ADGRV1: variants seen among roughly 807,000 people sequenced by gnomAD.
ADGRV1 encodes G-protein coupled receptor 98.
ADGRV1 carries 359 observed loss-of-function variants against 596.2 expected under a neutral mutation model. That is an observed-to-expected ratio of 0.60 (90% CI 0.55 to 0.66). The LOEUF (loss-of-function observed/expected upper bound fraction) is 0.66. ADGRV1 is among the 30% of genes least tolerant of loss of function. The probability of loss-of-function intolerance (pLI) is 0.00; values close to 1 mark genes in which losing one functional copy is unlikely to be tolerated. For synonymous variants in ADGRV1, 2,681 were observed against 2,679.2 expected (o/e 1.00, Z -0.02); for missense variants, 7,274 against 7,575.6 (o/e 0.96, Z 1.48).
intron 1 of ADGRV1, among the ~76,000 whole-genome samples, chr5:90,567,739 CT>C (rs555309403): frequency 0.094 from 13,296 of 141,812 alleles, 1,097 homozygotes; most frequent in African/African-American, 0.25. Flanking sequence ...GTTTTGTTAT[CT>C]TTTTTTTTTT....
At chr5:90,970,061 C>A (rs1434209948) in intron 84 of ADGRV1, among the ~76,000 whole-genome samples, 2 of 152,244 alleles carry the variant, frequency 1.3e-5, no homozygotes, top group Non-Finnish European at 2.9e-5. Flanking sequence ...TAGCAAATGG[C>A]ACAACAGGAG....
In ADGRV1 at chr5:90,781,537, A is replaced by G. The variant is rs1198960783; in HGVS notation, c.13190A>G (p.Glu4397Gly). ...RIIIMKNDNA[E>G]GIIEFDPKYT... ...ATAATAATGAAAAATGATAACGCAG[A>G]AGGCATCATTGAATTTGACCCAAAG... Residue 4397 changes from glutamate (E) to glycine (G), a missense_variant, in exon 65 of 90, where the codon GAA (glutamate) becomes GGA (glycine). Around this residue, in one of 5 missense-constraint regions of ADGRV1, gnomAD observed 3,643 missense variants for 3,809.2 expected, o/e 0.96. Coordinates refer to ENST00000405460, the MANE Select transcript of ADGRV1 (RefSeq NM_032119.4). 1 of 1,611,126 alleles carries G rather than the reference A, an allele frequency of 6.2e-7. No individual in the cohort carries two copies. Among genetic ancestry groups the G allele is most frequent in the East Asian group, 2.2e-5 (1 of 44,816 alleles).
At chr5:91,001,178 A>G (rs1373566390) in intron 85 of ADGRV1, among the ~76,000 whole-genome samples, 1 of 152,110 alleles carries the variant, frequency 6.6e-6, no homozygotes, top group Non-Finnish European at 1.5e-5. Flanking sequence ...CCTGGACTCA[A>G]GTGATCCTCC....
intron 1 of ADGRV1, among the ~76,000 whole-genome samples, chr5:90,573,534 C>G (rs1249785657): frequency 6.6e-6 from 1 of 152,092 alleles, no homozygotes; most frequent in African/African-American, 2.4e-5. Context: ...ATTTGTGTAT[C>G]TACACATACC....
intron 83 of ADGRV1, among the ~76,000 whole-genome samples, chr5:90,907,109 G>GTGGATTAA (rs1772398505): frequency 6.6e-6 from 1 of 152,048 alleles, no homozygotes; most frequent in South Asian, 2.1e-4. Flanking sequence ...CCACATATTT[G>GTGGATTAA]TTATTATGGG....
intron 85 of ADGRV1, among the ~76,000 whole-genome samples, chr5:91,041,976 C>T (rs546293449): frequency 6.6e-6 from 1 of 152,182 alleles, no homozygotes; most frequent in African/African-American, 2.4e-5. Flanking sequence ...AAAATTAGCC[C>T]TCCACTAGGA....
At chr5:90,720,019 G>A (rs746600621) in intron 43 of ADGRV1, 29 bp from the exon 44 acceptor site, 2 of 1,587,944 alleles carry the variant, frequency 1.3e-6, no homozygotes, top group South Asian at 2.2e-5. Flanking sequence ...CTGTATTCTA[G>A]TAACCTTATC....
At chr5:90,807,760 C>G (rs771123134) in intron 73 of ADGRV1, 23 bp downstream of exon 73, 1 of 1,499,250 alleles carries the variant, frequency 6.7e-7, no homozygotes, top group Non-Finnish European at 9.0e-7. Context: ...TCATTCTCAC[C>G]CAAGAAATTC....
At chr5:90,642,334 TAAATA>T (rs1384406419) in intron 11 of ADGRV1, among the ~76,000 whole-genome samples, 1 of 152,186 alleles carries the variant, frequency 6.6e-6, no homozygotes, top group African/African-American at 2.4e-5. Context: ...ATGCTTTATA[TAAATA>T]AAATATATTG....
intron 83 of ADGRV1, among the ~76,000 whole-genome samples, chr5:90,872,217 C>G (rs116654332): frequency 6.6e-4 from 100 of 152,206 alleles, no homozygotes; most frequent in Non-Finnish European, 1.2e-3. Flanking sequence ...TAATGTAGAC[C>G]ATGAAATTTG....
intron 68 of ADGRV1, among the ~76,000 whole-genome samples, chr5:90,789,055 C>A (rs1456404377): frequency 2.0e-5 from 3 of 152,122 alleles, no homozygotes; most frequent in African/African-American, 7.2e-5. Context: ...GTTCAGTAAG[C>A]TAAAAACTCA....
At chr5:90,806,394 C>G (rs189363767) in intron 72 of ADGRV1, among the ~76,000 whole-genome samples, 1 of 152,284 alleles carries the variant, frequency 6.6e-6, no homozygotes, top group African/African-American at 2.4e-5. Flanking sequence ...ATTGTCTCCT[C>G]TTGTTTTCCT....
At chr5:90,801,774 A>G (rs745433083) in intron 70 of ADGRV1, among the ~76,000 whole-genome samples, 1 of 152,234 alleles carries the variant, frequency 6.6e-6, no homozygotes, top group Non-Finnish European at 1.5e-5. Flanking sequence ...AGGTTGTGAG[A>G]TAACTTGGGG....
At chr5:91,087,075 T>C (rs1368972066) in intron 86 of ADGRV1, among the ~76,000 whole-genome samples, 1 of 152,182 alleles carries the variant, frequency 6.6e-6, no homozygotes. Context: ...GCCTCAATAT[T>C]TGTATGTTCA....
At chr5:90,803,184 C>T (rs897228530) in intron 71 of ADGRV1, among the ~76,000 whole-genome samples, 1 of 151,772 alleles carries the variant, frequency 6.6e-6, no homozygotes, top group Non-Finnish European at 1.5e-5. Flanking sequence ...CACACTTTTT[C>T]GCATACTAAC....
chr5:90,800,648 A>G (rs1172349935), intron 70 of ADGRV1, among the ~76,000 whole-genome samples: 1 of 152,200 alleles, frequency 6.6e-6, no homozygotes, highest in Non-Finnish European at 1.5e-5. Flanking sequence ...GGAACTATTC[A>G]CAATAGCAAA....
chr5:90,649,136 T>TG (rs1221991876), intron 17 of ADGRV1, among the ~76,000 whole-genome samples: 4 of 152,028 alleles, frequency 2.6e-5, no homozygotes, highest in African/African-American at 9.7e-5. Flanking sequence ...CCCGAGTAGC[T>TG]GGGACTACAG....
intron 86 of ADGRV1, among the ~76,000 whole-genome samples, chr5:91,076,600 T>A (rs1169083234): frequency 6.6e-6 from 1 of 152,176 alleles, no homozygotes; most frequent in South Asian, 2.1e-4. Context: ...AACTGTAATA[T>A]TATCAAAGTA....
At chr5:90,816,790 T>C (rs1762943387) in intron 75 of ADGRV1, among the ~76,000 whole-genome samples, 1 of 151,852 alleles carries the variant, frequency 6.6e-6, no homozygotes, top group African/African-American at 2.4e-5. Context: ...ATGTGCCACA[T>C]TTTCTTAATC....
Sources: gnomAD v4.1 joint callset for allele counts (sites outside exome capture counted in the v4.1 genomes callset) on GRCh38, gnomAD v4.1.1 for gene constraint, gnomAD v4.1.1 regional missense constraint, MANE v1.5 for transcripts, NCBI Gene and HGNC (gene_info 2026-07-23, HGNC 2026-07-21) for gene names.